Variants in IL1RAPL2 observed in about 807,000 individuals in gnomAD.
IL1RAPL2 encodes the protein interleukin 1 receptor accessory protein like 2, also known as X-linked interleukin-1 receptor accessory protein-like 2.
A neutral mutation model predicts 44.1 loss-of-function variants in IL1RAPL2; 3 were observed. The ratio of observed to expected loss-of-function variants is 0.07; its 90% CI spans 0.03 to 0.18. The LOEUF (loss-of-function observed/expected upper bound fraction) is 0.18. IL1RAPL2 is among the 10% of genes least tolerant of loss of function. IL1RAPL2 has a pLI of 1.00. For missense variants in IL1RAPL2, 391 were observed against 496.4 expected (o/e 0.79, Z 2.02); for synonymous variants, 181 against 178.8 (o/e 1.01, Z -0.10).
At chrX:105,423,785 G>A (rs2035789041) in intron 5 of IL1RAPL2, among the ~76,000 whole-genome samples, 1 of 109,225 alleles carries the variant, frequency 9.2e-6, no homozygotes, top group Non-Finnish European at 1.9e-5. Context: ...CCTACTGGGA[G>A]CGAACTCAAA....
intron 4 of IL1RAPL2, among the ~76,000 whole-genome samples, chrX:105,248,223 T>C (rs2034239062): frequency 9.0e-6 from 1 of 111,671 alleles, no homozygotes. Context: ...CTGTCACTAT[T>C]ATAGTTTTGT....
At chrX:105,031,129 TGAG>T (rs1447547303) in intron 2 of IL1RAPL2, among the ~76,000 whole-genome samples, 1 of 110,533 alleles carries the variant, frequency 9.0e-6, no homozygotes, top group African/African-American at 3.3e-5. Flanking sequence ...CTTATCAGCT[TGAG>T]GAGATTTTGG....
At chrX:105,330,430 CA>C (rs1217402709) in intron 5 of IL1RAPL2, among the ~76,000 whole-genome samples, 1 of 111,106 alleles carries the variant, frequency 9.0e-6, no homozygotes, top group Non-Finnish European at 1.9e-5. Flanking sequence ...ATGAAAGTTA[CA>C]AATGCTGTTA....
intron 2 of IL1RAPL2, among the ~76,000 whole-genome samples, chrX:104,676,833 T>G (rs1375631812): frequency 8.9e-6 from 1 of 111,792 alleles, no homozygotes; most frequent in Non-Finnish European, 1.9e-5. Context: ...TTCTCTTCTC[T>G]CTTCATTTCA....
chrX:104,947,255 A>G (rs1457810432), intron 2 of IL1RAPL2, among the ~76,000 whole-genome samples: 4 of 107,557 alleles, frequency 3.7e-5, no homozygotes, highest in Non-Finnish European at 5.8e-5. Flanking sequence ...CCACTTTTTG[A>G]TGGGGTTGTT....
chrX:105,217,241 T>A (rs1208798951), intron 3 of IL1RAPL2, among the ~76,000 whole-genome samples: 22 of 109,811 alleles, frequency 2.0e-4, no homozygotes, highest in Middle Eastern at 4.6e-3. Context: ...TACAATGAAC[T>A]CCAACAAATT....
chrX:105,134,480 T>C (rs2147579495), intron 2 of IL1RAPL2, among the ~76,000 whole-genome samples: 1 of 112,025 alleles, frequency 8.9e-6, no homozygotes, highest in East Asian at 2.8e-4. Flanking sequence ...CTCTTTAGTA[T>C]GTTTACACAC....
intron 4 of IL1RAPL2, among the ~76,000 whole-genome samples, chrX:105,258,968 A>G (rs2034336027): frequency 9.0e-6 from 1 of 111,666 alleles, no homozygotes; most frequent in Non-Finnish European, 1.9e-5. Context: ...TTATGGGAGA[A>G]CTCATGCATT....
At position 104,687,581 on chromosome X, in the gene IL1RAPL2, T is replaced by C. The variant is rs554809679; in HGVS notation, c.82+28586T>C. On this transcript the variant is annotated intron_variant, in intron 2 of 10. Transcript: ENST00000372582. ...GGGACAAATATCCAAACTATATCAT[T>C]CCCCAAGGGCCATCTGGAGAGATGG... is the stretch of plus-strand genomic sequence containing the variant. Among the ~76,000 whole-genome samples the C allele has an allele frequency of 3.9e-3, 435 of 111,137 alleles. 5 individuals carry two copies. In the South Asian group the frequency reaches 0.066, roughly 17 times the overall value.
Position 105,090,536 on chromosome X carries a change from T to C in IL1RAPL2, c.83-104939T>C, listed in dbSNP as rs771146706. Among the ~76,000 whole-genome samples the C allele has an allele frequency of 2.7e-4, 30 of 112,072 alleles. 1 individual carries two copies. The South Asian group carries it at 8.5e-3, about 32-fold the overall frequency. On this transcript the variant is annotated intron_variant, in intron 2 of 10. Transcript: ENST00000372582. ...ACAATATAAATAATAGCACATTGTG[T>C]GAGAAAAAAACTGTGGGACACTTTC...
intron 3 of IL1RAPL2, among the ~76,000 whole-genome samples, chrX:105,205,412 A>G (rs2033752634): frequency 9.5e-6 from 1 of 105,813 alleles, no homozygotes; most frequent in South Asian, 4.5e-4. Flanking sequence ...AACGTGGTGT[A>G]ACCCCTGTCT....
chrX:105,665,108 T>A (rs1003150835), intron 6 of IL1RAPL2, among the ~76,000 whole-genome samples: 14 of 112,036 alleles, frequency 1.2e-4, no homozygotes, highest in African/African-American at 3.6e-4. Context: ...AACAGTAGGC[T>A]ATTAGAAGTA....
At chrX:105,245,689 G>C (rs896031660) in intron 4 of IL1RAPL2, among the ~76,000 whole-genome samples, 1 of 112,390 alleles carries the variant, frequency 8.9e-6, no homozygotes, top group African/African-American at 3.2e-5. Context: ...ATTATTCACT[G>C]AGCACCCTGT....
intron 2 of IL1RAPL2, among the ~76,000 whole-genome samples, chrX:104,663,432 A>T (rs1299619549): frequency 9.0e-6 from 1 of 111,446 alleles, no homozygotes; most frequent in Non-Finnish European, 1.9e-5. Flanking sequence ...AATGCTGGTT[A>T]GAAGTAATGT....
intron 6 of IL1RAPL2, among the ~76,000 whole-genome samples, chrX:105,673,151 A>G (rs1343655502): frequency 8.9e-6 from 1 of 111,783 alleles, no homozygotes; most frequent in African/African-American, 3.3e-5. Flanking sequence ...TCCCAGAAGC[A>G]TAAGGCTTTA....
intron 1 of IL1RAPL2, among the ~76,000 whole-genome samples, chrX:104,608,996 T>A (rs1175607348): frequency 8.9e-6 from 1 of 111,901 alleles, no homozygotes; most frequent in Non-Finnish European, 1.9e-5. Flanking sequence ...GTACCGGTTG[T>A]TCCTTTCCAT....
At chrX:104,848,419 A>G (rs1423040719) in intron 2 of IL1RAPL2, among the ~76,000 whole-genome samples, 1 of 33,349 alleles carries the variant, frequency 3.0e-5, no homozygotes, top group Non-Finnish European at 6.8e-5. Context: ...GTATATATAT[A>G]TATATATATA....
At chrX:105,336,889 G>A (rs2035032715) in intron 5 of IL1RAPL2, among the ~76,000 whole-genome samples, 1 of 111,422 alleles carries the variant, frequency 9.0e-6, no homozygotes, top group Admixed American at 9.5e-5. Context: ...AGAAACCTAG[G>A]CATCTCTGAT....
At chrX:105,160,564 GA>G (rs1001325342) in intron 2 of IL1RAPL2, among the ~76,000 whole-genome samples, 6 of 108,243 alleles carry the variant, frequency 5.5e-5, no homozygotes, top group Middle Eastern at 4.9e-3. Flanking sequence ...AGTTTCTCTG[GA>G]AAAAAAAATA....
Sources: gnomAD v4.1 joint callset for allele counts (sites outside exome capture counted in the v4.1 genomes callset) on GRCh38, gnomAD v4.1.1 for gene constraint, MANE v1.5 for transcripts, NCBI Gene and HGNC (gene_info 2026-07-23, HGNC 2026-07-21) for gene names.